The following UBE2D3 variants were observed in gnomAD, a reference collection of about 807,000 sequenced individuals.
The protein encoded by UBE2D3 is ubiquitin conjugating enzyme E2 D3.
In UBE2D3, 2 loss-of-function variants were observed where a neutral mutation model predicts 22.8. The observed-to-expected ratio is 0.09, with a 90% CI of 0.04 to 0.28. The LOEUF is 0.28. UBE2D3 is among the 10% of genes least tolerant of loss of function. The pLI is 1.00. For missense variants in UBE2D3, 27 were observed against 182.5 expected, an observed-to-expected ratio of 0.15 and a Z score of 4.91; for synonymous variants, 56 against 60.4, an observed-to-expected ratio of 0.93 and a Z score of 0.34.
intron 1 of UBE2D3, 132 bp from the exon 2 acceptor site, chr4:102,826,768 C>T (rs1317811854): frequency 1.5e-5 from 19 of 1,296,410 alleles, no homozygotes; most frequent in Middle Eastern, 2.9e-4. Flanking sequence ...GCCTCTGTAC[C>T]GTGCTTTCGG....
intron 1 of UBE2D3, among the ~76,000 whole-genome samples, chr4:102,845,239 C>CA (rs1363396664): frequency 6.6e-6 from 1 of 151,964 alleles, no homozygotes; most frequent in African/African-American, 2.4e-5. Context: ...CAAAACAAAA[C>CA]AAAGAATTTT....
chr4:102,812,508 A>T (rs1176112022), intron 2 of UBE2D3: 1 of 152,238 alleles, frequency 6.6e-6, no homozygotes, highest in African/African-American at 2.4e-5. Context: ...CCAGCTTCCA[A>T]GTCTTTTAGA....
chr4:102,808,165 C>T (rs1727362951), intron 4 of UBE2D3, among the ~76,000 whole-genome samples: 2 of 152,300 alleles, frequency 1.3e-5, no homozygotes, highest in South Asian at 4.1e-4. Context: ...CTAGTAGGCA[C>T]TGTGGTAAAC....
At chr4:102,808,816 CTAAA>C (rs1006527074) in intron 4 of UBE2D3, among the ~76,000 whole-genome samples, 4 of 152,260 alleles carry the variant, frequency 2.6e-5, no homozygotes, top group Admixed American at 2.6e-4. Flanking sequence ...ATCAGAATTA[CTAAA>C]TAAATACTTG....
intron 4 of UBE2D3, among the ~76,000 whole-genome samples, chr4:102,803,462 T>C (rs1417068551): frequency 1.3e-5 from 2 of 152,178 alleles, no homozygotes; most frequent in Non-Finnish European, 2.9e-5. Context: ...ACTATGCCCA[T>C]TCTGGATGTC....
chr4:102,865,473 C>A (rs988993758), intron 1 of UBE2D3, among the ~76,000 whole-genome samples: 1 of 132,612 alleles, frequency 7.5e-6, no homozygotes, highest in Non-Finnish European at 1.6e-5. Context: ...GCCTGGGCAA[C>A]AGAGACTCTG....
At chr4:102,815,186 G>A (rs1728621001) in intron 2 of UBE2D3, among the ~76,000 whole-genome samples, 1 of 151,986 alleles carries the variant, frequency 6.6e-6, no homozygotes, top group African/African-American at 2.4e-5. Context: ...TGGAACTAGA[G>A]ATGTGCGCCA....
At chr4:102,868,350 G>A (rs974272106) in intron 1 of UBE2D3, among the ~76,000 whole-genome samples, 1 of 150,356 alleles carries the variant, frequency 6.7e-6, no homozygotes, top group African/African-American at 2.5e-5. Context: ...TTACAGACGT[G>A]AGCCACCGCG....
intron 1 of UBE2D3, chr4:102,826,842 C>T (rs1046719897): frequency 8.6e-7 from 1 of 1,164,498 alleles, no homozygotes; most frequent in African/African-American, 1.6e-5. Context: ...AACTTCCCGG[C>T]CTCTAGAAAG....
At chr4:102,840,500 G>A (rs1006690084) in intron 1 of UBE2D3, among the ~76,000 whole-genome samples, 1 of 152,184 alleles carries the variant, frequency 6.6e-6, no homozygotes, top group Non-Finnish European at 1.5e-5. Context: ...TCTCATTCAT[G>A]TGGAAGCTAA....
intron 2 of UBE2D3, chr4:102,825,596 C>T (rs3774997): frequency 0.12 from 147,741 of 1,217,112 alleles, 9,251 homozygotes; most frequent in East Asian, 0.15. Flanking sequence ...GTGGAGGTTC[C>T]GCTCACTCCC....
chr4:102,807,125 G>C (rs1273892668), intron 4 of UBE2D3, among the ~76,000 whole-genome samples: 1 of 152,140 alleles, frequency 6.6e-6, no homozygotes, highest in Admixed American at 6.6e-5. Context: ...CACTTTAAGG[G>C]ACCTAAGTAG....
intron 1 of UBE2D3, chr4:102,827,124 T>A (rs959313148): frequency 2.6e-5 from 26 of 986,500 alleles, no homozygotes; most frequent in Non-Finnish European, 3.0e-5. Context: ...AGCTATTCTG[T>A]GTCACCCCTG....
intron 7 of UBE2D3, 137 bp downstream of exon 7, chr4:102,799,270 C>A: frequency 1.4e-6 from 1 of 729,544 alleles, no homozygotes; most frequent in Non-Finnish European, 2.2e-6. Flanking sequence ...TTTTAAATAA[C>A]CACATTTCAA....
intron 1 of UBE2D3, among the ~76,000 whole-genome samples, chr4:102,836,591 TA>T (rs1731420614): frequency 6.6e-6 from 1 of 152,226 alleles, no homozygotes; most frequent in Admixed American, 6.5e-5. Flanking sequence ...TTTAACTTTT[TA>T]AGAAACTGCC....
Position 102,853,267 on chromosome 4 carries a change from C to T in UBE2D3, c.-129+15448G>A, listed in dbSNP as rs539419365. 2.4e-3 allele frequency among the ~76,000 whole-genome samples: 364 copies of T among 150,836 alleles called. 4 individuals carry two copies. In the South Asian group the frequency reaches 0.029, roughly 12 times the overall value. On this transcript the variant is annotated intron_variant, in intron 1 of 7. Coordinates refer to the UBE2D3 transcript ENST00000338145. The stretch of plus-strand genomic sequence containing the variant: ...ACGCCATTCTCCTGCCTCAGCCTCC[C>T]GAGTAGCTGGGACTACAGGCGCCCG...
At chr4:102,816,592 G>A (rs534786799) in intron 2 of UBE2D3, among the ~76,000 whole-genome samples, 7 of 152,284 alleles carry the variant, frequency 4.6e-5, no homozygotes, top group Non-Finnish European at 7.4e-5. Context: ...CAGCAGTAGT[G>A]AGAGACCAAA....
intron 1 of UBE2D3, among the ~76,000 whole-genome samples, chr4:102,865,527 G>A (rs1359423722): frequency 6.7e-6 from 1 of 149,226 alleles, no homozygotes; most frequent in Non-Finnish European, 1.5e-5. Flanking sequence ...ACTAGGAGAA[G>A]ATAAGCAACA....
At chr4:102,829,468 T>C (rs907709259), upstream of UBE2D3, among the ~76,000 whole-genome samples, 12 of 152,208 alleles carry the variant, frequency 7.9e-5, no homozygotes, top group Non-Finnish European at 1.5e-4. Flanking sequence ...GCCTGGTTAG[T>C]TATCTTCTAA....
Sources: allele counts gnomAD v4.1 joint callset (sites outside exome capture counted in the v4.1 genomes callset), GRCh38; gene constraint gnomAD v4.1.1; transcripts MANE v1.5; gene names NCBI Gene and HGNC (gene_info 2026-07-23, HGNC 2026-07-21).